The following VPS13B variants were observed in gnomAD, a reference collection of about 807,000 sequenced individuals.
The protein encoded by VPS13B is intermembrane lipid transfer protein VPS13B.
VPS13B carries 285 observed loss-of-function variants against 426.4 expected under a neutral mutation model. That is an observed-to-expected ratio of 0.67 (90% CI 0.61 to 0.74). The LOEUF is 0.74. Ranked by LOEUF, VPS13B falls within the 30% of genes least tolerant of loss-of-function variation. The pLI, the probability that VPS13B is intolerant of heterozygous loss-of-function variation, is 0.00. For synonymous variants in VPS13B, 1,676 were observed against 1,676.4 expected (o/e 1.00, Z 0.01); for missense variants, 4,537 against 4,782.6 (o/e 0.95, Z 1.51).
rs1816442536 is a variant in VPS13B at position 99,233,173 on chromosome 8, A to G, written c.2515+40116A>G. Reference sequence around the variant, plus strand: ...AGCAAAGAAGTGCCCGATAATTCTGATGATCACTTCCTCATTTTCATCGGG... The same window carrying G: ...AGCAAAGAAGTGCCCGATAATTCTGGTGATCACTTCCTCATTTTCATCGGG... On this transcript the variant is annotated intron_variant, in intron 17 of 61. Coordinates refer to ENST00000357162, the MANE Select transcript of VPS13B (RefSeq NM_152564.5). 10 of 1,399,914 alleles carry G rather than the reference A, an allele frequency of 7.1e-6. No individual in the cohort carries two copies. The East Asian group carries it at 2.3e-4, about 32-fold the overall frequency. 86.7% of individuals were successfully genotyped at this position (1,399,914 alleles called of 1,614,324 possible). A position where few individuals can be genotyped will look rare whatever the true frequency, so the allele number is the denominator to read the frequency against.
intron 25 of VPS13B, among the ~76,000 whole-genome samples, chr8:99,491,064 C>G: frequency 6.6e-6 from 1 of 152,206 alleles, no homozygotes; most frequent in African/African-American, 2.4e-5. Context: ...TCCCTCTACA[C>G]ACGGCTTTAA....
In VPS13B at chr8:99,859,566, T is replaced by C. The variant is rs1030428976; in HGVS notation, c.11044+86T>C. ...AGAATGTGCTAAAGTTTTAAATGCA[T>C]TCAGATTGCCTCTAGCTTTGTTTGG... is the stretch of plus-strand genomic sequence containing the variant. On this transcript the variant is annotated intron_variant, in intron 57 of 61. Transcript: ENST00000357162. 2.6e-6 allele frequency: 4 copies of C among 1,541,836 alleles called. No homozygotes were observed. In the African/African-American group the frequency reaches 5.5e-5, roughly 21 times the overall value.
At chr8:99,439,835 G>A (rs1416885033) in intron 22 of VPS13B, among the ~76,000 whole-genome samples, 2 of 152,096 alleles carry the variant, frequency 1.3e-5, no homozygotes, top group South Asian at 4.1e-4. Flanking sequence ...CAATTATAGA[G>A]CACTAAAAGA....
At position 99,837,242 on chromosome 8, in the gene VPS13B, G is replaced by A. The variant is rs549221895; in HGVS notation, c.9942+1504G>A. 6.6e-5 allele frequency among the ~76,000 whole-genome samples: 10 copies of A among 152,200 alleles called. No individual in the cohort carries two copies. The South Asian group carries it at 2.1e-3, about 32-fold the overall frequency. On this transcript the variant is annotated intron_variant, in intron 54 of 61. Transcript: ENST00000357162. ...AAGGGATGGTTGAGTGCACTGGAGG[G>A]CCACACTCACCCTGGAGACCTGCGT...
chr8:99,247,007 G>A (rs1234787682), intron 17 of VPS13B, among the ~76,000 whole-genome samples: 3 of 152,190 alleles, frequency 2.0e-5, no homozygotes, highest in South Asian at 2.1e-4. Context: ...ACTGTTTGAG[G>A]GCAGGCACTA....
intron 22 of VPS13B, among the ~76,000 whole-genome samples, chr8:99,440,851 T>C (rs1031177506): frequency 7.2e-5 from 11 of 152,102 alleles, no homozygotes; most frequent in African/African-American, 2.4e-4. Flanking sequence ...TTTTTCAAGG[T>C]AGTATCAATA....
chr8:99,876,016 G>GTTCT lies in VPS13B; in HGVS notation c.*352_*355dup, dbSNP rs1480095825. The GTTCT allele has an allele frequency of 9.4e-6, 3 of 318,284 alleles. No individual in the cohort carries two copies. Among genetic ancestry groups the GTTCT allele is most frequent in the East Asian group, 7.7e-5 (1 of 12,970 alleles). 19.7% of individuals were successfully genotyped at this position (318,284 alleles called of 1,614,324 possible). On this transcript the variant is annotated 3_prime_UTR_variant, in exon 62 of 62. Coordinates refer to ENST00000357162, the MANE Select transcript of VPS13B (RefSeq NM_152564.5). ...GACAATGATTAACAGGGCCCTATAT[G>GTTCT]TTCTTACCACATACAGAGGATGCAT... is the stretch of plus-strand genomic sequence containing the variant.
intron 23 of VPS13B, among the ~76,000 whole-genome samples, chr8:99,451,752 T>G (rs1258065753): frequency 1.3e-5 from 2 of 152,170 alleles, no homozygotes; most frequent in African/African-American, 4.8e-5. Flanking sequence ...TTCACTTCCT[T>G]TAATTCACTT....
chr8:99,345,475 T>C (rs1275553803), intron 19 of VPS13B, among the ~76,000 whole-genome samples: 1 of 152,238 alleles, frequency 6.6e-6, no homozygotes, highest in African/African-American at 2.4e-5. Context: ...AGTTTGGTGG[T>C]ATTTTGTGTA....
chr8:99,613,749 A>G (rs151212568), intron 33 of VPS13B: 1 of 152,324 alleles, frequency 6.6e-6, no homozygotes. Flanking sequence ...TCAACAATAT[A>G]TATACTCTGA....
In VPS13B at chr8:99,442,419, T is replaced by C. The variant is rs1284538841; in HGVS notation, c.3229T>C (p.Cys1077Arg). 6.2e-7 allele frequency: 1 copy of C among 1,613,890 alleles called. No homozygotes were observed. The highest frequency in any genetic ancestry group is 1.1e-5 in the South Asian group (1 of 91,082). Reference protein sequence around the residue: ...LTLQLEVQSCCVFIPNDSLPS... With the variant: ...LTLQLEVQSCRVFIPNDSLPS... ...TTTCTAGCTTGAAGTACAATCTTGT[T>C]GTGTGTTTATTCCAAATGATAGCCT... is the stretch of plus-strand genomic sequence containing the variant. Residue 1077 changes from cysteine (C) to arginine (R), a missense_variant, in exon 23 of 62, where the codon TGT becomes CGT. Physicochemically the swap from Cys to Arg is radical, Grantham distance 180 (BLOSUM62 -3). Around this residue, in one of 2 missense-constraint regions of VPS13B, gnomAD observed 4,311 missense variants for 4,474.3 expected, o/e 0.96. Coordinates refer to ENST00000357162, the MANE Select transcript of VPS13B (RefSeq NM_152564.5).
At chr8:99,273,114 A>G (rs1818684359) in intron 17 of VPS13B, among the ~76,000 whole-genome samples, 1 of 147,600 alleles carries the variant, frequency 6.8e-6, no homozygotes, top group Non-Finnish European at 1.5e-5. Context: ...CTGTTTCCTC[A>G]TTTCACCTGA....
At position 99,013,807 on chromosome 8, in the gene VPS13B, A is replaced by T. The variant is rs1413120643; in HGVS notation, c.19A>T (p.Thr7Ser). 30 of 1,614,068 alleles carry T rather than the reference A, an allele frequency of 1.9e-5. No individual in the cohort carries two copies. Among genetic ancestry groups the T allele is most frequent in the Non-Finnish European group, 2.5e-5 (30 of 1,180,008 alleles). The change falls in exon 2 of 62, where the codon ACT becomes TCT. Residue 7 changes from threonine to serine, a missense_variant. By Grantham distance (58) the Thr-to-Ser change is moderately conservative (BLOSUM62 1). Transcript: ENST00000357162. Reference protein sequence around the residue: MLESYVTPILMSYVNRY... With the variant: MLESYVSPILMSYVNRY... ...TTAAAAGATGCTGGAGTCATATGTA[A>T]CTCCAATTTTAATGAGCTATGTGAA... is the stretch of plus-strand genomic sequence containing the variant.
intron 31 of VPS13B, among the ~76,000 whole-genome samples, chr8:99,565,725 G>A (rs970907698): frequency 6.6e-6 from 1 of 152,022 alleles, no homozygotes; most frequent in Non-Finnish European, 1.5e-5. Flanking sequence ...TTGTAGATAG[G>A]AATATGGAAA....
intron 19 of VPS13B, among the ~76,000 whole-genome samples, chr8:99,330,169 A>G (rs1336511353): frequency 6.6e-6 from 1 of 151,924 alleles, no homozygotes; most frequent in Admixed American, 6.6e-5. Context: ...TGGACTAGTT[A>G]TTTTGGGGCT....
chr8:99,139,627 C>T (rs1810286034), intron 12 of VPS13B, among the ~76,000 whole-genome samples: 1 of 151,834 alleles, frequency 6.6e-6, no homozygotes, highest in Admixed American at 6.6e-5. Flanking sequence ...TTAATAGAGA[C>T]AGGGTTTCAC....
At chr8:99,486,082 A>G (rs1820288831) in intron 25 of VPS13B, among the ~76,000 whole-genome samples, 1 of 152,124 alleles carries the variant, frequency 6.6e-6, no homozygotes, top group Admixed American at 6.6e-5. Context: ...AATTGTCCCT[A>G]CAGAGCATTT....
chr8:99,828,394 G>GCTTTTTTTTTTTTTTTTTTTTTTTTTT (rs1563495224), intron 51 of VPS13B, among the ~76,000 whole-genome samples: 1 of 17,424 alleles, frequency 5.7e-5, no homozygotes. Flanking sequence ...TACAACCACC[G>GCTTTTTTTTTTTTTTTTTTTTTTTTTT]TTTTTTTTTT....
intron 4 of VPS13B, among the ~76,000 whole-genome samples, chr8:99,097,663 ATAG>A (rs1846501153): frequency 6.6e-6 from 1 of 152,210 alleles, no homozygotes; most frequent in Non-Finnish European, 1.5e-5. Flanking sequence ...TAAGAGACAA[ATAG>A]TAGCCAAAAA....
Sources: gnomAD v4.1 joint callset for allele counts (sites outside exome capture counted in the v4.1 genomes callset) on GRCh38, gnomAD v4.1.1 for gene constraint, gnomAD v4.1.1 regional missense constraint, MANE v1.5 for transcripts, NCBI Gene and HGNC (gene_info 2026-07-23, HGNC 2026-07-21) for gene names.